Variants in PLPPR1 observed in about 807,000 individuals in gnomAD.
PLPPR1 encodes phospholipid phosphatase-related protein type 1.
Under a neutral mutation model 33.1 loss-of-function variants are expected in PLPPR1, and 10 were observed. The observed-to-expected ratio is 0.30, with a 90% CI of 0.19 to 0.51. The LOEUF (loss-of-function observed/expected upper bound fraction) is 0.51. Ranked by LOEUF, PLPPR1 falls within the 20% of genes least tolerant of loss-of-function variation. PLPPR1 has a pLI of 0.97. For synonymous variants in PLPPR1, 151 were observed against 151.0 expected (o/e 1.00, Z 0.00); for missense variants, 304 against 408.1 (o/e 0.74, Z 2.20).
intron 2 of PLPPR1, among the ~76,000 whole-genome samples, chr9:101,230,872 G>A (rs1363763109): frequency 3.4e-5 from 5 of 148,792 alleles, no homozygotes; most frequent in Admixed American, 3.3e-4. Context: ...TGAATTTGCA[G>A]GTTTTTAAAA....
chr9:101,322,589 A>G (rs984162704), intron 7 of PLPPR1: 5 of 152,180 alleles, frequency 3.3e-5, no homozygotes, highest in African/African-American at 1.2e-4. Flanking sequence ...ATAACCTTGT[A>G]AACAGTGAAG....
chr9:101,217,359 G>A (rs548185640), intron 2 of PLPPR1, among the ~76,000 whole-genome samples: 1 of 152,230 alleles, frequency 6.6e-6, no homozygotes, highest in South Asian at 2.1e-4. Context: ...ATATACCAAG[G>A]GTTAGCAAAC....
chr9:101,077,456 G>A (rs893568547), intron 1 of PLPPR1, among the ~76,000 whole-genome samples: 1 of 152,080 alleles, frequency 6.6e-6, no homozygotes, highest in African/African-American at 2.4e-5. Flanking sequence ...CCACATTAGT[G>A]GGTATGTTAT....
chr9:101,261,117 C>G (rs561181016), intron 2 of PLPPR1, among the ~76,000 whole-genome samples: 5 of 152,222 alleles, frequency 3.3e-5, no homozygotes, highest in African/African-American at 1.2e-4. Flanking sequence ...GTAAAAAGAA[C>G]AGTTAAATGG....
intron 4 of PLPPR1, among the ~76,000 whole-genome samples, chr9:101,305,361 CT>C (rs1828839385): frequency 6.6e-6 from 1 of 152,124 alleles, no homozygotes; most frequent in African/African-American, 2.4e-5. Flanking sequence ...AACTTTCCAT[CT>C]TTTTTCACTG....
intron 2 of PLPPR1, among the ~76,000 whole-genome samples, chr9:101,200,946 A>T (rs551681756): frequency 9.8e-5 from 15 of 152,316 alleles, no homozygotes; most frequent in African/African-American, 3.1e-4. Flanking sequence ...GCTATAAGAA[A>T]ATATATGAGC....
chr9:101,271,289 G>A (rs758929345), intron 3 of PLPPR1, among the ~76,000 whole-genome samples: 1 of 152,304 alleles, frequency 6.6e-6, no homozygotes, highest in Admixed American at 6.5e-5. Context: ...ACAACTGAAT[G>A]CTTACCTCAT....
At chr9:101,029,472 A>G (rs1412240126) in intron 1 of PLPPR1, among the ~76,000 whole-genome samples, 1 of 152,156 alleles carries the variant, frequency 6.6e-6, no homozygotes, top group Non-Finnish European at 1.5e-5. Flanking sequence ...GTGGGTGTGC[A>G]GGCGGAGGCG....
At chr9:101,110,895 G>T (rs1297567918) in intron 1 of PLPPR1, among the ~76,000 whole-genome samples, 1 of 152,058 alleles carries the variant, frequency 6.6e-6, no homozygotes, top group East Asian at 1.9e-4. Flanking sequence ...TAATCTTATG[G>T]GAATAACTAG....
chr9:101,122,068 G>A lies in PLPPR1; in HGVS notation c.-45-63382G>A, dbSNP rs551728109. On this transcript the variant is annotated intron_variant, in intron 1 of 7. Transcript: ENST00000374874. ...TAGCCTTTGGGTATTTATTTCCTTT[G>A]TATGAAAACAGACATTGAAACTTGC... Among the ~76,000 whole-genome samples the A allele has an allele frequency of 4.6e-5, 7 of 152,010 alleles. No individual in the cohort carries two copies. The South Asian group carries it at 1.5e-3, about 32-fold the overall frequency.
chr9:101,061,455 G>A (rs1212066140), intron 1 of PLPPR1, among the ~76,000 whole-genome samples: 1 of 151,980 alleles, frequency 6.6e-6, no homozygotes, highest in Non-Finnish European at 1.5e-5. Flanking sequence ...ACTTCTGACA[G>A]CTGACTAAAA....
intron 1 of PLPPR1, among the ~76,000 whole-genome samples, chr9:101,089,688 T>A (rs2118529155): frequency 6.6e-6 from 1 of 152,312 alleles, no homozygotes; most frequent in Admixed American, 6.5e-5. Flanking sequence ...GTCAGCCAAC[T>A]TCTTATTTTC....
intron 2 of PLPPR1, among the ~76,000 whole-genome samples, chr9:101,249,523 G>A (rs968576907): frequency 7.2e-5 from 11 of 152,088 alleles, no homozygotes; most frequent in African/African-American, 2.2e-4. Context: ...GGAGGGTGGC[G>A]CATATAGCAT....
At chr9:101,215,192 T>C (rs1354993088) in intron 2 of PLPPR1, among the ~76,000 whole-genome samples, 1 of 152,146 alleles carries the variant, frequency 6.6e-6, no homozygotes, top group Non-Finnish European at 1.5e-5. Flanking sequence ...ATTTATGAAT[T>C]GTCCAGTGCT....
rs781145045 is a variant in PLPPR1, at chr9:101,276,718, G to A, written c.252+6650G>A. On this transcript the variant is annotated intron_variant, in intron 3 of 7. Coordinates refer to ENST00000374874, the MANE Select transcript of PLPPR1 (RefSeq NM_207299.2). ...CACTATGCTTTGGAAATATGATACC[G>A]CCCTGGTGCTCTATTTTATATCAAG... Among the ~76,000 whole-genome samples the A allele has an allele frequency of 5.3e-5, 8 of 152,238 alleles. No homozygotes were observed. The South Asian group carries it at 6.2e-4, about 12-fold the overall frequency.
intron 1 of PLPPR1, among the ~76,000 whole-genome samples, chr9:101,029,778 G>A (rs993712931): frequency 6.6e-6 from 1 of 152,132 alleles, no homozygotes; most frequent in Non-Finnish European, 1.5e-5. Context: ...CTCCTAGAAC[G>A]GAGGACGCTA....
intron 2 of PLPPR1, among the ~76,000 whole-genome samples, chr9:101,244,530 C>A (rs144409171): frequency 2.0e-5 from 3 of 150,974 alleles, no homozygotes; most frequent in Admixed American, 6.6e-5. Context: ...GCAACAAATT[C>A]TTTTAGAACA....
At chr9:101,175,843 G>A (rs1322414430) in intron 1 of PLPPR1, among the ~76,000 whole-genome samples, 2 of 152,078 alleles carry the variant, frequency 1.3e-5, no homozygotes, top group Non-Finnish European at 2.9e-5. Flanking sequence ...GATGACTTTT[G>A]CTTTGAGAAG....
At chr9:101,181,566 GT>G (rs1310616487) in intron 1 of PLPPR1, among the ~76,000 whole-genome samples, 1 of 150,808 alleles carries the variant, frequency 6.6e-6, no homozygotes, top group Non-Finnish European at 1.5e-5. Flanking sequence ...AACTACCTAG[GT>G]GTCAATTATC....
Sources: gnomAD v4.1 joint callset for allele counts (sites outside exome capture counted in the v4.1 genomes callset) on GRCh38, gnomAD v4.1.1 for gene constraint, MANE v1.5 for transcripts, NCBI Gene and HGNC (gene_info 2026-07-23, HGNC 2026-07-21) for gene names.